Variants in MAFK observed in about 807,000 individuals in gnomAD.
The protein encoded by MAFK is transcription factor MafK.
A neutral mutation model predicts 9.2 loss-of-function variants in MAFK; 1 was observed. The observed-to-expected ratio is 0.11, with a 90% CI of 0.04 to 0.52. MAFK has a LOEUF of 0.52. Among genes scored for constraint, MAFK ranks in the 20% least tolerant of loss-of-function variants. The probability of loss-of-function intolerance (pLI) is 0.94; values close to 1 mark genes in which losing one functional copy is unlikely to be tolerated. For synonymous variants in MAFK, 110 were observed against 107.4 expected, an observed-to-expected ratio of 1.02 and a Z score of -0.15; for missense variants, 207 against 236.0, an observed-to-expected ratio of 0.88 and a Z score of 0.81.
At chr7:1,539,371 G>C in intron 2 of MAFK, 143 bp downstream of exon 2, 3 of 671,814 alleles carry the variant, frequency 4.5e-6, no homozygotes, top group Admixed American at 5.7e-5. Flanking sequence ...TGCTGTGGCC[G>C]AGGGATGTTC....
Position 1,540,194 on chromosome 7 carries a change from ACAG to A in MAFK, c.296_298del (p.Ser99del). ...GAGGTGGAGAAGCTGGCGCGTGAGAACAGCAGCATGCGGCTGGAGCTGGACGCC... is the reference window on the plus strand; with the variant it reads ...GAGGTGGAGAAGCTGGCGCGTGAGAACAGCATGCGGCTGGAGCTGGACGCC... On this transcript the variant is annotated inframe_deletion, in exon 3 of 3. Coordinates refer to ENST00000343242, the MANE Select transcript of MAFK (RefSeq NM_002360.4). 1.3e-6 allele frequency: 2 copies of A among 1,587,444 alleles called. No individual in the cohort carries two copies. Among genetic ancestry groups the A allele is most frequent in the Non-Finnish European group, 1.7e-6 (2 of 1,167,768 alleles).
chr7:1,537,362 C>G, intron 1 of MAFK: 1 of 985,166 alleles, frequency 1.0e-6, no homozygotes, highest in Non-Finnish European at 1.2e-6. Context: ...CATCTGGTGA[C>G]TCACCGCATA....
rs1783976532 is a variant in MAFK at position 1,534,384 on chromosome 7, T to G, written c.-45+3486T>G. On this transcript the variant is annotated intron_variant, in intron 1 of 2. Coordinates refer to ENST00000343242, the MANE Select transcript of MAFK (RefSeq NM_002360.4). The surrounding 1 kb of genome is among the most constrained non-coding windows in gnomAD (Gnocchi z 4.3). ...CGGCCCAGTGTGGAGGGCACCCGGC[T>G]TGGGGTCTCTGGCAGAAAGGCTCCT... The G allele has an allele frequency of 2.3e-6, 1 of 444,050 alleles. No homozygotes were observed. The highest frequency in any genetic ancestry group is 7.1e-5 in the East Asian group (1 of 14,018). The allele number at this position is 444,050 out of a possible 1,614,324, so 27.5% of individuals were successfully genotyped here. A position where few individuals can be genotyped will look rare whatever the true frequency, so the allele number is the denominator to read the frequency against.
intron 1 of MAFK, among the ~76,000 whole-genome samples, chr7:1,536,016 G>A (rs1380615508): frequency 2.0e-5 from 3 of 152,192 alleles, no homozygotes; most frequent in African/African-American, 2.4e-5. Flanking sequence ...GCGTCACGTC[G>A]AGGTGTCTGG....
intron 1 of MAFK, chr7:1,537,320 C>G: frequency 1.1e-6 from 1 of 941,634 alleles, no homozygotes; most frequent in Non-Finnish European, 1.3e-6. Flanking sequence ...GTGGGAGGCC[C>G]GGGTGTGTGG....
chr7:1,538,477 T>C, intron 1 of MAFK: 1 of 70,434 alleles, frequency 1.4e-5, no homozygotes, highest in Non-Finnish European at 2.8e-5. Flanking sequence ...CCGTGGCCTG[T>C]GGGGAGGGCG....
At chr7:1,539,335 C>T (rs1346560959) in intron 2 of MAFK, 107 bp downstream of exon 2, 1 of 881,892 alleles carries the variant, frequency 1.1e-6, no homozygotes, top group East Asian at 2.5e-5. Context: ...TGATGGAGGC[C>T]TCCCTGTTGC....
At chr7:1,537,447 G>T (rs1784058033) in intron 1 of MAFK, 1 of 985,434 alleles carries the variant, frequency 1.0e-6, no homozygotes, top group Non-Finnish European at 1.2e-6. Flanking sequence ...CCCTCCCTCT[G>T]ACATGGAAAA....
intron 2 of MAFK, among the ~76,000 whole-genome samples, 180 bp from the exon 3 acceptor site, chr7:1,539,761 C>A (rs144019796): frequency 0.023 from 3,444 of 152,318 alleles, 67 homozygotes; most frequent in Middle Eastern, 0.075. Context: ...TGTGGGGCCA[C>A]AGCTGTCACA....
chr7:1,536,120 G>A (rs1784021303), intron 1 of MAFK, among the ~76,000 whole-genome samples: 1 of 152,242 alleles, frequency 6.6e-6, no homozygotes, highest in South Asian at 2.1e-4. Context: ...TTGCTGCCCG[G>A]CGCTGCTCCC....
chr7:1,536,091 T>C (rs916101896), intron 1 of MAFK, among the ~76,000 whole-genome samples: 2 of 152,192 alleles, frequency 1.3e-5, no homozygotes, highest in African/African-American at 2.4e-5. Context: ...TTCCAAGTTA[T>C]AGGTGGTGCC....
At chr7:1,537,502 G>A (rs1363049125) in intron 1 of MAFK, 5 of 985,504 alleles carry the variant, frequency 5.1e-6, no homozygotes, top group Non-Finnish European at 6.0e-6. Flanking sequence ...AGGTCCCCAC[G>A]GTGGCGGAGG....
Position 1,534,898 on chromosome 7 carries a change from ACT to A in MAFK, c.-45+4007_-45+4008del, listed in dbSNP as rs1462071548. Among the ~76,000 whole-genome samples, 3 of 146,442 alleles carry A rather than the reference ACT, an allele frequency of 2.0e-5. No homozygotes were observed. The highest frequency in any genetic ancestry group is 4.0e-4 in the East Asian group (2 of 5,042). On this transcript the variant is annotated intron_variant, in intron 1 of 2. Coordinates refer to ENST00000343242, the MANE Select transcript of MAFK (RefSeq NM_002360.4). The surrounding 1 kb of genome is among the most constrained non-coding windows in gnomAD (Gnocchi z 4.3). ...CGTCAGCTGCTCAACTCACTTTTGC[ACT>A]CTCTCTTTTTTTTTTTCCTAAAAGA...
rs1315503110 is a variant in MAFK at position 1,542,465 on chromosome 7, CCGTCTTGGGGTTCTTGGTGTCCA to C, written c.*2098_*2120del. 1 of 152,384 alleles carries C rather than the reference CCGTCTTGGGGTTCTTGGTGTCCA, an allele frequency of 6.6e-6. No individual in the cohort carries two copies. The highest frequency in any genetic ancestry group is 1.9e-4 in the East Asian group (1 of 5,184). 9.4% of individuals were successfully genotyped at this position (152,384 alleles called of 1,614,324 possible). ...GCCGCAGCGGGTGGCCGGTTCTGTC[CCGTCTTGGGGTTCTTGGTGTCCA>C]CGTCTTGTGGGCCGTGGGCTTCTAC... On this transcript the variant is annotated 3_prime_UTR_variant, in exon 3 of 3. Transcript: ENST00000343242.
chr7:1,539,574 C>G (rs1028599515), intron 2 of MAFK, among the ~76,000 whole-genome samples: 1 of 152,224 alleles, frequency 6.6e-6, no homozygotes. Context: ...GCTCCAGCTC[C>G]CAAGGCCCGA....
At chr7:1,531,693 C>T (rs1250170905) in intron 1 of MAFK, among the ~76,000 whole-genome samples, 1 of 152,172 alleles carries the variant, frequency 6.6e-6, no homozygotes, top group Admixed American at 6.5e-5. Context: ...CTGTGTGTGT[C>T]TGCGTCTGCA....
chr7:1,540,342 C>T lies in MAFK; in HGVS notation c.438C>T (p.Ser146=), dbSNP rs900534202. The T allele has an allele frequency of 1.2e-6, 2 of 1,606,946 alleles. No individual in the cohort carries two copies. The highest frequency in any genetic ancestry group is 1.7e-6 in the Non-Finnish European group (2 of 1,175,744). ...CCATCGTCAAGTCCACCGAGCTCTC[C>T]TCCACCTCCGTGCCCTTCTCGGCTG... ...VITIVKSTEL[S]STSVPFSAAS is the part of the protein sequence containing the mutation. Residue 146 remains serine (S), a synonymous_variant, in exon 3 of 3, where the codon TCC becomes TCT. Transcript: ENST00000343242.
intron 1 of MAFK, chr7:1,538,767 A>G: frequency 8.8e-6 from 2 of 227,548 alleles, no homozygotes; most frequent in South Asian, 5.1e-5. Flanking sequence ...GAGTCAGAAC[A>G]GGAAGCAGCC....
Position 1,540,507 on chromosome 7 carries a change from GCTCACACCA to G in MAFK, c.*133_*141del. 6.6e-6 allele frequency: 6 copies of G among 909,670 alleles called. No homozygotes were observed. The highest frequency in any genetic ancestry group is 3.5e-4 in the Middle Eastern group (1 of 2,886). 56.3% of individuals were successfully genotyped at this position (909,670 alleles called of 1,614,324 possible). On this transcript the variant is annotated 3_prime_UTR_variant, in exon 3 of 3. Coordinates refer to ENST00000343242, the MANE Select transcript of MAFK (RefSeq NM_002360.4). ...AGCGCAGGCCCCTCGGGCGCAGGCA[GCTCACACCA>G]GGAAGAGACTGTATTGCAGGGTGAA...
Sources: allele counts gnomAD v4.1 joint callset (sites outside exome capture counted in the v4.1 genomes callset), GRCh38; gene constraint gnomAD v4.1.1; non-coding constraint Gnocchi (gnomAD v3.1); transcripts MANE v1.5; gene names NCBI Gene and HGNC (gene_info 2026-07-23, HGNC 2026-07-21).